Variants in HTR7 observed in about 807,000 individuals in gnomAD.
HTR7 encodes 5-HT-7.
In HTR7, 16 loss-of-function variants were observed where a neutral mutation model predicts 34.0. The ratio of observed to expected loss-of-function variants is 0.47; its 90% confidence interval spans 0.32 to 0.71. The LOEUF is 0.71. Among genes scored for constraint, HTR7 ranks in the 30% least tolerant of loss-of-function variants. The pLI is 0.04. For missense variants in HTR7, 504 were observed against 625.5 expected, an observed-to-expected ratio of 0.81 and a Z score of 2.07; for synonymous variants, 265 against 260.2, an observed-to-expected ratio of 1.02 and a Z score of -0.18.
chr10:90,848,430 T>C (rs1191563261), intron 1 of HTR7, among the ~76,000 whole-genome samples: 1 of 152,168 alleles, frequency 6.6e-6, no homozygotes, highest in Non-Finnish European at 1.5e-5. Flanking sequence ...CTTATGTACG[T>C]CCCTAAAAAT....
intron 1 of HTR7, among the ~76,000 whole-genome samples, chr10:90,810,435 TAAA>T (rs1347274799): frequency 1.3e-5 from 2 of 152,164 alleles, no homozygotes; most frequent in African/African-American, 4.8e-5. Flanking sequence ...CAGCACGCTT[TAAA>T]AAGATTAAAG....
intron 1 of HTR7, among the ~76,000 whole-genome samples, chr10:90,791,590 G>A (rs1047884250): frequency 6.6e-6 from 1 of 151,986 alleles, no homozygotes; most frequent in Non-Finnish European, 1.5e-5. Context: ...GCAATGGCAA[G>A]GCTAGCCTAA....
intron 1 of HTR7, among the ~76,000 whole-genome samples, chr10:90,821,273 C>T (rs564688828): frequency 1.3e-5 from 2 of 152,118 alleles, no homozygotes; most frequent in Non-Finnish European, 2.9e-5. Flanking sequence ...CTGATGCCAT[C>T]CCTTCCCCAA....
rs1168404542 is a variant in HTR7 at position 90,741,815 on chromosome 10, G to A, written c.*667C>T. 2.6e-5 allele frequency: 4 copies of A among 152,656 alleles called. No individual in the cohort carries two copies. Among genetic ancestry groups the A allele is most frequent in the Non-Finnish European group, 5.9e-5 (4 of 68,064 alleles). The allele number at this position is 152,656 out of a possible 1,614,324, so 9.5% of individuals were successfully genotyped here. ...GAGCACGAGAAAAAGCTTTGCTCATGTTGTATGCTTCTCTCCATCCTGAGA... is the reference window on the plus strand; with the variant it reads ...GAGCACGAGAAAAAGCTTTGCTCATATTGTATGCTTCTCTCCATCCTGAGA... On this transcript the variant is annotated 3_prime_UTR_variant, in exon 4 of 4. Transcript: ENST00000336152.
intron 1 of HTR7, among the ~76,000 whole-genome samples, chr10:90,831,007 C>G (rs1846161415): frequency 6.6e-6 from 1 of 152,322 alleles, no homozygotes; most frequent in Admixed American, 6.5e-5. Context: ...CAAGCAGGCA[C>G]TTACTCTCTA....
At chr10:90,770,773 G>T (rs1020089192) in intron 1 of HTR7, among the ~76,000 whole-genome samples, 1 of 152,224 alleles carries the variant, frequency 6.6e-6, no homozygotes, top group Non-Finnish European at 1.5e-5. Context: ...CAAGCAGCCT[G>T]GGTGCCATGG....
At chr10:90,847,356 A>G (rs936093626) in intron 1 of HTR7, among the ~76,000 whole-genome samples, 9 of 152,178 alleles carry the variant, frequency 5.9e-5, no homozygotes, top group Non-Finnish European at 2.9e-5. Flanking sequence ...GAGGAAAAAA[A>G]AAAGCAGTTG....
At chr10:90,817,608 A>G (rs1398875190) in intron 1 of HTR7, among the ~76,000 whole-genome samples, 3 of 152,172 alleles carry the variant, frequency 2.0e-5, no homozygotes, top group Non-Finnish European at 2.9e-5. Context: ...AATGTAAAAC[A>G]CTAAACTTCC....
At chr10:90,814,919 G>T (rs1845874808) in intron 1 of HTR7, among the ~76,000 whole-genome samples, 1 of 152,188 alleles carries the variant, frequency 6.6e-6, no homozygotes, top group Non-Finnish European at 1.5e-5. Context: ...GCATAGTGAG[G>T]CAGGTGAACC....
At position 90,836,099 on chromosome 10, in the gene HTR7, A is replaced by G. The variant is rs560616133; in HGVS notation, c.539+21034T>C. Among the ~76,000 whole-genome samples, 7 of 152,314 alleles carry G rather than the reference A, an allele frequency of 4.6e-5. No individual in the cohort carries two copies. In the South Asian group the frequency reaches 6.2e-4, roughly 14 times the overall value. On this transcript the variant is annotated intron_variant, in intron 1 of 3. Coordinates refer to ENST00000336152, the MANE Select transcript of HTR7 (RefSeq NM_019859.4). ...ACCTACTGATCCCACCTCAGCGTGA[A>G]TGAATTCAAGCCACTGACTTACCTT...
intron 1 of HTR7, among the ~76,000 whole-genome samples, chr10:90,854,372 C>CA (rs149034566): frequency 0.018 from 2,787 of 151,764 alleles, 100 homozygotes; most frequent in African/African-American, 0.064. Flanking sequence ...TCACTCCCCC[C>CA]AAAAAAACAA....
At chr10:90,848,255 T>C (rs111323011) in intron 1 of HTR7, among the ~76,000 whole-genome samples, 253 of 152,046 alleles carry the variant, frequency 1.7e-3, no homozygotes, top group African/African-American at 5.7e-3. Flanking sequence ...AGAGACGGAG[T>C]TTCTCCATGT....
intron 1 of HTR7, among the ~76,000 whole-genome samples, chr10:90,793,583 TG>T (rs1484892433): frequency 6.8e-6 from 1 of 146,406 alleles, no homozygotes; most frequent in Non-Finnish European, 1.5e-5. Flanking sequence ...AAGTGTACAA[TG>T]TACCTCAACT....
At position 90,857,038 on chromosome 10, in the gene HTR7, G is replaced by C. The variant is rs1017346355; in HGVS notation, c.539+95C>G. 48 of 1,194,570 alleles carry C rather than the reference G, an allele frequency of 4.0e-5. No individual in the cohort carries two copies. The highest frequency in any genetic ancestry group is 5.6e-5 in the Admixed American group (2 of 35,594). 74.0% of individuals were successfully genotyped at this position (1,194,570 alleles called of 1,614,324 possible). On this transcript the variant is annotated intron_variant, in intron 1 of 3. Coordinates refer to ENST00000336152, the MANE Select transcript of HTR7 (RefSeq NM_019859.4). This position sits in a 1 kb window ranked among gnomAD's most constrained non-coding sequence, Gnocchi z 6.5. ...GCGCAGCCCTTCATCCCGCCTTGAAGTCTAGCTTGATCCTCCCAGGAAAGG... is the reference window on the plus strand; with the variant it reads ...GCGCAGCCCTTCATCCCGCCTTGAACTCTAGCTTGATCCTCCCAGGAAAGG...
At chr10:90,813,127 A>G (rs185670140) in intron 1 of HTR7, among the ~76,000 whole-genome samples, 1 of 151,778 alleles carries the variant, frequency 6.6e-6, no homozygotes, top group Admixed American at 6.6e-5. Flanking sequence ...CCCAAATCTT[A>G]TAAAACGGCC....
chr10:90,839,634 T>C (rs1846299212), intron 1 of HTR7, among the ~76,000 whole-genome samples: 1 of 152,062 alleles, frequency 6.6e-6, no homozygotes, highest in South Asian at 2.1e-4. Context: ...GCACTAGAGA[T>C]AGTCCCCAAT....
chr10:90,787,998 G>A (rs913191936), intron 1 of HTR7, among the ~76,000 whole-genome samples: 1 of 151,972 alleles, frequency 6.6e-6, no homozygotes, highest in Admixed American at 6.6e-5. Context: ...GGTCCGGTTC[G>A]TAAGTGTTAA....
intron 1 of HTR7, among the ~76,000 whole-genome samples, chr10:90,840,692 G>GT: frequency 6.6e-6 from 1 of 152,298 alleles, no homozygotes; most frequent in African/African-American, 2.4e-5. Flanking sequence ...ACTAATAAGT[G>GT]TAACAGCTCA....
At chr10:90,785,173 G>A (rs1442883597) in intron 1 of HTR7, among the ~76,000 whole-genome samples, 3 of 152,138 alleles carry the variant, frequency 2.0e-5, no homozygotes, top group East Asian at 3.8e-4. Flanking sequence ...TCATTGTTCA[G>A]GTCAGCAATA....
Sources: allele counts gnomAD v4.1 joint callset (sites outside exome capture counted in the v4.1 genomes callset), GRCh38; gene constraint gnomAD v4.1.1; non-coding constraint Gnocchi (gnomAD v3.1); transcripts MANE v1.5; gene names NCBI Gene and HGNC (gene_info 2026-07-23, HGNC 2026-07-21).